CDK17: variants seen among roughly 807,000 people sequenced by gnomAD.
The protein encoded by CDK17 is cyclin dependent kinase 17.
A neutral mutation model predicts 77.6 loss-of-function variants in CDK17; 24 were observed. The ratio of observed to expected loss-of-function variants is 0.31; its 90% confidence interval spans 0.22 to 0.44. The LOEUF (loss-of-function observed/expected upper bound fraction) is 0.44. CDK17 is among the 20% of genes least tolerant of loss of function. The probability of loss-of-function intolerance (pLI) is 1.00; values close to 1 mark genes in which losing one functional copy is unlikely to be tolerated. For missense variants in CDK17, 429 were observed against 622.5 expected (o/e 0.69, Z 3.31); for synonymous variants, 203 against 210.4 (o/e 0.96, Z 0.30).
intron 1 of CDK17, among the ~76,000 whole-genome samples, chr12:96,376,790 AG>A (rs547757640): frequency 5.3e-4 from 81 of 152,328 alleles, no homozygotes; most frequent in African/African-American, 1.8e-3. Flanking sequence ...AGGAGTTCTA[AG>A]GAAGATGAGA....
intron 1 of CDK17, among the ~76,000 whole-genome samples, chr12:96,357,064 T>C (rs1953404926): frequency 6.6e-6 from 1 of 152,180 alleles, no homozygotes; most frequent in Admixed American, 6.6e-5. Context: ...TTGATAATAA[T>C]GGTCTTACTC....
intron 1 of CDK17, among the ~76,000 whole-genome samples, chr12:96,384,127 A>C (rs1284859380): frequency 6.6e-6 from 1 of 152,200 alleles, no homozygotes; most frequent in Non-Finnish European, 1.5e-5. Context: ...AAGACATATA[A>C]GCAGCCAACA....
intron 13 of CDK17, among the ~76,000 whole-genome samples, chr12:96,284,121 C>T (rs1038971109): frequency 2.6e-5 from 4 of 152,060 alleles, no homozygotes; most frequent in African/African-American, 7.2e-5. Context: ...TGCTTAGCAC[C>T]GGGTACTAGA....
intron 9 of CDK17, 38 bp from the exon 10 acceptor site, chr12:96,295,160 G>A (rs1369424741): frequency 6.5e-7 from 1 of 1,529,174 alleles, no homozygotes; most frequent in Non-Finnish European, 8.9e-7. Flanking sequence ...TCTTAAAGAT[G>A]AGACATGCTT....
intron 10 of CDK17, among the ~76,000 whole-genome samples, chr12:96,291,268 T>C (rs1177674839): frequency 6.6e-6 from 1 of 152,152 alleles, no homozygotes; most frequent in Non-Finnish European, 1.5e-5. Context: ...ACTCAGAGTA[T>C]TCCCTGATAA....
In CDK17 at chr12:96,279,148, A is replaced by G. The variant is rs1193853341; in HGVS notation, c.*1094T>C. ...CAAAGTGTGTTTATGATGTTCAAAG[A>G]GATGCATAATTAAAACTAATATTTA... On this transcript the variant is annotated 3_prime_UTR_variant, in exon 17 of 17. Transcript: ENST00000261211. The G allele has an allele frequency of 2.6e-5, 4 of 152,482 alleles. No individual in the cohort carries two copies. The highest frequency in any genetic ancestry group is 9.6e-5 in the African/African-American group (4 of 41,480). 9.4% of individuals were successfully genotyped at this position (152,482 alleles called of 1,614,324 possible).
chr12:96,307,903 T>C (rs1257459278), intron 5 of CDK17, among the ~76,000 whole-genome samples: 1 of 152,104 alleles, frequency 6.6e-6, no homozygotes, highest in African/African-American at 2.4e-5. Flanking sequence ...AAAAAATGTC[T>C]TAAGCAGTGA....
intron 5 of CDK17, among the ~76,000 whole-genome samples, chr12:96,305,432 T>G (rs1306230962): frequency 6.6e-6 from 1 of 152,204 alleles, no homozygotes; most frequent in African/African-American, 2.4e-5. Context: ...TAACTGGGTA[T>G]GTGGTATAGA....
chr12:96,334,383 G>C (rs995215833), intron 2 of CDK17, among the ~76,000 whole-genome samples: 3 of 151,862 alleles, frequency 2.0e-5, no homozygotes, highest in Non-Finnish European at 2.9e-5. Context: ...TATTAACTTG[G>C]GTTATAAGAA....
rs201146689 is a variant in CDK17 at position 96,297,612 on chromosome 12, T to C, written c.810+15A>G. The C allele has an allele frequency of 6.1e-6, 9 of 1,467,910 alleles. No homozygotes were observed. In the East Asian group the frequency reaches 2.0e-4, roughly 33 times the overall value. 90.9% of individuals were successfully genotyped at this position (1,467,910 alleles called of 1,614,324 possible). A position where few individuals can be genotyped will look rare whatever the true frequency, so the allele number is the denominator to read the frequency against. Reference sequence around the variant, plus strand: ...TAAAGTAAAGTTAAATACTGAATTTTTATGAGATGCTTACCAGATACTCAA... The same window carrying C: ...TAAAGTAAAGTTAAATACTGAATTTCTATGAGATGCTTACCAGATACTCAA... On this transcript the variant is annotated intron_variant, in intron 8 of 16. Coordinates refer to ENST00000261211, the MANE Select transcript of CDK17 (RefSeq NM_002595.5).
Position 96,298,969 on chromosome 12 carries a change from T to G in CDK17, c.615A>C (p.Thr205=). The G allele has an allele frequency of 6.6e-7, 1 of 1,521,752 alleles. No individual in the cohort carries two copies. The highest frequency in any genetic ancestry group is 9.1e-7 in the Non-Finnish European group (1 of 1,096,936). 94.3% of individuals were successfully genotyped at this position (1,521,752 alleles called of 1,614,324 possible). Reference sequence around the variant, plus strand: ...TCAATTTACTTCTTCCTTTATATACTGTTGCATATGTACCCTATAAAATAT... The same window carrying G: ...TCAATTTACTTCTTCCTTTATATACGGTTGCATATGTACCCTATAAAATAT... The part of the protein sequence containing the change: ...LEKLGEGTYA[T]VYKGRSKLTE... The change falls in exon 7 of 17, where the codon ACA becomes ACC. Residue 205 remains threonine (T), a synonymous_variant. Coordinates refer to ENST00000261211, the MANE Select transcript of CDK17 (RefSeq NM_002595.5).
intron 1 of CDK17, among the ~76,000 whole-genome samples, chr12:96,357,846 ACATTTACC>A (rs1199682870): frequency 6.6e-6 from 1 of 152,340 alleles, no homozygotes; most frequent in East Asian, 1.9e-4. Flanking sequence ...AAACTGTAAC[ACATTTACC>A]CAAAAATATG....
intron 1 of CDK17, among the ~76,000 whole-genome samples, chr12:96,364,491 TCG>T (rs1440796626): frequency 6.6e-6 from 1 of 152,212 alleles, no homozygotes; most frequent in Non-Finnish European, 1.5e-5. Flanking sequence ...GTGACTAATG[TCG>T]CCAATCATCT....
At chr12:96,286,409 T>A (rs1218950184) in intron 12 of CDK17, among the ~76,000 whole-genome samples, 1 of 152,044 alleles carries the variant, frequency 6.6e-6, no homozygotes, top group Non-Finnish European at 1.5e-5. Context: ...TATTCCTTAA[T>A]AATATGGTGA....
At chr12:96,387,727 T>G (rs1953998254) in intron 1 of CDK17, among the ~76,000 whole-genome samples, 1 of 152,144 alleles carries the variant, frequency 6.6e-6, no homozygotes, top group South Asian at 2.1e-4. Context: ...GAATCACTTG[T>G]GTCCAGGAGT....
intron 13 of CDK17, among the ~76,000 whole-genome samples, chr12:96,283,998 A>G (rs1952211457): frequency 1.3e-5 from 2 of 152,244 alleles, no homozygotes; most frequent in Admixed American, 1.3e-4. Flanking sequence ...AGTATATAAG[A>G]GCATCATTTT....
chr12:96,378,815 A>C (rs1291479998), intron 1 of CDK17, among the ~76,000 whole-genome samples: 2 of 152,228 alleles, frequency 1.3e-5, no homozygotes, highest in Admixed American at 6.5e-5. Context: ...TAGATATGGA[A>C]AGATCTCCAG....
chr12:96,391,067 AC>A (rs1954059727), intron 1 of CDK17, among the ~76,000 whole-genome samples: 1 of 147,318 alleles, frequency 6.8e-6, no homozygotes, highest in Non-Finnish European at 1.5e-5. Context: ...AACCTAAACG[AC>A]AGAGGGAGAC....
intron 7 of CDK17, 72 bp downstream of exon 7, chr12:96,298,797 T>C: frequency 2.5e-6 from 2 of 786,300 alleles, no homozygotes; most frequent in Non-Finnish European, 4.1e-6. Flanking sequence ...ATATCTGAGC[T>C]CTTTTTACTT....
Sources: gnomAD v4.1 joint callset for allele counts (sites outside exome capture counted in the v4.1 genomes callset) on GRCh38, gnomAD v4.1.1 for gene constraint, MANE v1.5 for transcripts, NCBI Gene and HGNC (gene_info 2026-07-23, HGNC 2026-07-21) for gene names.